Variants in CISTR observed in about 807,000 individuals in gnomAD.
The protein encoded by CISTR is chondrogenic regulator lncRNA.
At chr12:53,755,624 C>T (rs1224161287) in intron 1 of CISTR, among the ~76,000 whole-genome samples, 2 of 152,074 alleles carry the variant, frequency 1.3e-5, no homozygotes, top group Non-Finnish European at 2.9e-5. Flanking sequence ...ACATTCTGAA[C>T]TTTATTAACC....
Position 53,753,671 on chromosome 12 carries a change from T to G in CISTR, n.415-2706A>C, listed in dbSNP as rs890755701. Among the ~76,000 whole-genome samples, 19 of 133,762 alleles carry G rather than the reference T, an allele frequency of 1.4e-4. No individual in the cohort carries two copies. In the East Asian group the frequency reaches 3.7e-3, roughly 26 times the overall value. 87.8% of individuals were successfully genotyped at this position (133,762 alleles called of 152,430 possible). A position where few individuals can be genotyped will look rare whatever the true frequency, so the allele number is the denominator to read the frequency against. ...TGGGGAAGGAATGCATAGGGGTGTG[T>G]GTGTGTGTGTGTGTGTGTGTGTGTG... On this transcript the variant is annotated intron_variant and non_coding_transcript_variant, in intron 1 of 2. Transcript: ENST00000669269.
intron 2 of CISTR, among the ~76,000 whole-genome samples, chr12:53,748,756 C>A (rs982262185): frequency 1.3e-5 from 2 of 152,064 alleles, no homozygotes; most frequent in African/African-American, 4.8e-5. Context: ...CGATAATATA[C>A]CAGAATGTAT....
At chr12:53,752,168 C>T (rs1300220562) in intron 1 of CISTR, among the ~76,000 whole-genome samples, 1 of 152,178 alleles carries the variant, frequency 6.6e-6, no homozygotes, top group Non-Finnish European at 1.5e-5. Context: ...CTGCCGCCGC[C>T]GCCGCCGCCT....
chr12:53,746,584 G>C (rs1937783755), exon 3 of CISTR, among the ~76,000 whole-genome samples: 1 of 152,190 alleles, frequency 6.6e-6, no homozygotes. Context: ...GCTGAGGAGG[G>C]CGATGGCATT....
At position 53,756,726 on chromosome 12, in the gene CISTR, A is replaced by ATTGTGTGTGTGTGTG. The variant is rs1555168530; in HGVS notation, n.414+87_414+88insCACACACACACACAA. 1 of 132,302 alleles carries ATTGTGTGTGTGTGTG rather than the reference A, an allele frequency of 7.6e-6. No homozygotes were observed. The highest frequency in any genetic ancestry group is 7.4e-5 in the Admixed American group (1 of 13,446). 8.2% of individuals were successfully genotyped at this position (132,302 alleles called of 1,614,324 possible). ...AGTCAGAGTGGGCTGTGGGTCAGTG[A>ATTGTGTGTGTGTGTG]TGTGTGTGTGTGTGTGTGTGTGTGT... On this transcript the variant is annotated intron_variant and non_coding_transcript_variant, in intron 1 of 2. Coordinates refer to ENST00000669269, the Ensembl canonical transcript of CISTR. This position sits in a 1 kb window ranked among gnomAD's most constrained non-coding sequence, Gnocchi z 4.0.
At chr12:53,752,214 T>A (rs1052195817) in intron 1 of CISTR, among the ~76,000 whole-genome samples, 1 of 152,212 alleles carries the variant, frequency 6.6e-6, no homozygotes, top group Non-Finnish European at 1.5e-5. Flanking sequence ...TCTTTCTGCC[T>A]GGGTTCTTCC....
intron 1 of CISTR, among the ~76,000 whole-genome samples, chr12:53,752,977 C>T (rs1411716256): frequency 6.6e-6 from 1 of 151,862 alleles, no homozygotes; most frequent in Non-Finnish European, 1.5e-5. Flanking sequence ...GTCCAGCTCC[C>T]CCAAGACTCC....
rs990699041 is a variant in CISTR at position 53,751,140 on chromosome 12, G to T, written n.415-175C>A. ...CTTCACGGAGCAGGTGTGCCCACGC[G>T]CAATACCCTCCTGGCCCACAGGCCT... is the stretch of plus-strand genomic sequence containing the variant. On this transcript the variant is annotated intron_variant and non_coding_transcript_variant, in intron 1 of 2. Transcript: ENST00000669269. The surrounding 1 kb of genome is among the most constrained non-coding windows in gnomAD (Gnocchi z 4.6). 6.6e-6 allele frequency among the ~76,000 whole-genome samples: 1 copy of T among 152,032 alleles called. No homozygotes were observed. Among genetic ancestry groups the T allele is most frequent in the African/African-American group, 2.4e-5 (1 of 41,388 alleles).
intron 1 of CISTR, among the ~76,000 whole-genome samples, chr12:53,753,702 G>GTA (rs1555168385): frequency 6.4e-4 from 78 of 122,296 alleles, no homozygotes; most frequent in Non-Finnish European, 1.1e-3. Context: ...GTGTGTGTGT[G>GTA]TATGTGTGTG....
intron 1 of CISTR, chr12:53,754,273 C>T (rs959360613): frequency 6.6e-6 from 1 of 152,184 alleles, no homozygotes; most frequent in Non-Finnish European, 1.5e-5. Flanking sequence ...TATTACTTCC[C>T]CATTTCACAG....
chr12:53,754,343 G>C (rs555798058), intron 1 of CISTR: 4 of 152,286 alleles, frequency 2.6e-5, no homozygotes, highest in Admixed American at 1.3e-4. Context: ...AGGTTGAAAA[G>C]GGCATGAGGA....
exon 2 of CISTR, chr12:53,750,649 C>T (rs1937838069): frequency 6.5e-6 from 1 of 152,910 alleles, no homozygotes; most frequent in Admixed American, 6.5e-5. Flanking sequence ...GCTTTGTACC[C>T]CAGGCTCTTG....
chr12:53,753,564 GAA>G (rs1371870504), intron 1 of CISTR, among the ~76,000 whole-genome samples: 1 of 152,092 alleles, frequency 6.6e-6, no homozygotes, highest in Non-Finnish European at 1.5e-5. Context: ...AAAACTGAAA[GAA>G]GAGAACTAGC....
chr12:53,749,181 C>T (rs1937816959), intron 2 of CISTR, among the ~76,000 whole-genome samples: 1 of 151,690 alleles, frequency 6.6e-6, no homozygotes, highest in Admixed American at 6.6e-5. Flanking sequence ...GGCAGAGCCC[C>T]AGCAGAGATC....
chr12:53,756,481 A>G lies in CISTR; in HGVS notation n.414+333T>C, dbSNP rs906661754. Among the ~76,000 whole-genome samples the G allele has an allele frequency of 6.6e-6, 1 of 152,154 alleles. No individual in the cohort carries two copies. Among genetic ancestry groups the G allele is most frequent in the African/African-American group, 2.4e-5 (1 of 41,430 alleles). On this transcript the variant is annotated intron_variant and non_coding_transcript_variant, in intron 1 of 2. Transcript: ENST00000669269. The surrounding 1 kb of genome is among the most constrained non-coding windows in gnomAD (Gnocchi z 4.0). The stretch of plus-strand genomic sequence containing the variant: ...TATGTTGCTCAGGCTAGGCCTTGAA[A>G]TCCTGGGCTCAGGCGATCCTCCTGC...
At chr12:53,750,003 C>T (rs2120733326) in intron 2 of CISTR, among the ~76,000 whole-genome samples, 1 of 152,252 alleles carries the variant, frequency 6.6e-6, no homozygotes, top group South Asian at 2.1e-4. Flanking sequence ...TAAAACTGGG[C>T]AGTAATGTTC....
At chr12:53,748,790 A>C (rs1937811043) in intron 2 of CISTR, among the ~76,000 whole-genome samples, 1 of 152,184 alleles carries the variant, frequency 6.6e-6, no homozygotes, top group South Asian at 2.1e-4. Flanking sequence ...GAAGCAGAGA[A>C]GGGGAGGGAG....
At position 53,751,703 on chromosome 12, in the gene CISTR, G is replaced by A. The variant is rs1937853830; in HGVS notation, n.415-738C>T. On this transcript the variant is annotated intron_variant and non_coding_transcript_variant, in intron 1 of 2. Coordinates refer to ENST00000669269, the Ensembl canonical transcript of CISTR. This position sits in a 1 kb window ranked among gnomAD's most constrained non-coding sequence, Gnocchi z 4.6. ...CAGGGTGCGGAGCGGGGGCGTCCCG[G>A]GGCGAGGGCAGCGGGCCGGTTCCCG... 1 of 152,068 alleles carries A rather than the reference G, an allele frequency of 6.6e-6. No homozygotes were observed. The highest frequency in any genetic ancestry group is 2.4e-5 in the African/African-American group (1 of 41,356). The allele number at this position is 152,068 out of a possible 1,614,324, so 9.4% of individuals were successfully genotyped here.
At chr12:53,753,230 CCT>C (rs1343066198) in intron 1 of CISTR, among the ~76,000 whole-genome samples, 2 of 152,198 alleles carry the variant, frequency 1.3e-5, no homozygotes, top group East Asian at 3.8e-4. Flanking sequence ...CACACCTTCC[CCT>C]GTGTGTGCTG....
Sources: allele counts gnomAD v4.1 joint callset (sites outside exome capture counted in the v4.1 genomes callset), GRCh38; gene constraint gnomAD v4.1.1; non-coding constraint Gnocchi (gnomAD v3.1); transcripts MANE v1.5; gene names NCBI Gene and HGNC (gene_info 2026-07-23, HGNC 2026-07-21).